The following TBL1X variants were observed in gnomAD, a reference collection of about 807,000 sequenced individuals.
TBL1X encodes the protein transducin beta like 1 X-linked.
A neutral mutation model predicts 50.7 loss-of-function variants in TBL1X; 10 were observed. The observed-to-expected ratio is 0.20, with a 90% CI of 0.12 to 0.33. The LOEUF is 0.33. Ranked by LOEUF, TBL1X falls within the 10% of genes least tolerant of loss-of-function variation. The pLI, the probability that TBL1X is intolerant of heterozygous loss-of-function variation, is 1.00. For synonymous variants in TBL1X, 190 were observed against 214.7 expected (o/e 0.88, Z 1.01); for missense variants, 340 against 504.4 (o/e 0.67, Z 3.12).
At chrX:9,522,646 T>G (rs899089701) in intron 2 of TBL1X, among the ~76,000 whole-genome samples, 1 of 112,045 alleles carries the variant, frequency 8.9e-6, no homozygotes, top group Non-Finnish European at 1.9e-5. Flanking sequence ...GGGTTGGGAC[T>G]GTGTGATTTT....
At chrX:9,634,536 G>C (rs766532765) in intron 2 of TBL1X, among the ~76,000 whole-genome samples, 1 of 111,359 alleles carries the variant, frequency 9.0e-6, no homozygotes, top group East Asian at 2.8e-4. Flanking sequence ...TTATTTAATA[G>C]AGATGGGGTC....
chrX:9,474,795 A>G, intron 1 of TBL1X, among the ~76,000 whole-genome samples: 1 of 113,027 alleles, frequency 8.8e-6, no homozygotes, highest in Non-Finnish European at 1.9e-5. Flanking sequence ...TCAGAATTTC[A>G]AAGACATCAA....
intron 13 of TBL1X, among the ~76,000 whole-genome samples, chrX:9,706,468 A>G (rs1368977350): frequency 1.4e-4 from 15 of 110,785 alleles, no homozygotes; most frequent in Non-Finnish European, 1.7e-4. Context: ...AACAAATATA[A>G]ACAGAACCAC....
chrX:9,717,436 G>GTC lies in TBL1X; in HGVS notation c.*1191_*1192dup, dbSNP rs1017656497. ...TCAGGAAAACTCTGGCTGGACAAGG[G>GTC]TCAGTCTTCGGGGTCAGCAGCGAGA... On this transcript the variant is annotated 3_prime_UTR_variant, in exon 18 of 18. Transcript: ENST00000645353. 2.7e-5 allele frequency: 3 copies of GTC among 111,935 alleles called. No homozygotes were observed. The highest frequency in any genetic ancestry group is 9.7e-5 in the African/African-American group (3 of 30,823). 9.2% of individuals were successfully genotyped at this position (111,935 alleles called of 1,213,427 possible). A position where few individuals can be genotyped will look rare whatever the true frequency, so the allele number is the denominator to read the frequency against.
At chrX:9,682,356 A>T (rs895047809) in intron 5 of TBL1X, among the ~76,000 whole-genome samples, 1 of 112,304 alleles carries the variant, frequency 8.9e-6, no homozygotes, top group African/African-American at 3.2e-5. Flanking sequence ...TTGGAACCTA[A>T]TGTAGGCAGT....
chrX:9,465,042 C>G (rs1368589968), upstream of TBL1X: 1 of 109,136 alleles, frequency 9.2e-6, no homozygotes, highest in Non-Finnish European at 1.9e-5. Context: ...TGGCGGTCCT[C>G]CTGGCTGGGG....
intron 4 of TBL1X, 124 bp downstream of exon 4, chrX:9,653,813 C>T: frequency 9.7e-6 from 6 of 620,143 alleles, no homozygotes; most frequent in Admixed American, 3.6e-5. Flanking sequence ...AATCCCTCCA[C>T]GTCTGCCTGA....
intron 2 of TBL1X, among the ~76,000 whole-genome samples, chrX:9,556,908 G>A (rs1227589951): frequency 3.6e-5 from 4 of 110,221 alleles, no homozygotes; most frequent in African/African-American, 1.3e-4. Flanking sequence ...GCTTGTTCGA[G>A]TCTTTTTCAC....
At chrX:9,592,890 T>C (rs895150971) in intron 2 of TBL1X, among the ~76,000 whole-genome samples, 2 of 112,283 alleles carry the variant, frequency 1.8e-5, no homozygotes, top group Non-Finnish European at 1.9e-5. Flanking sequence ...GTGCCCAGAT[T>C]GGTACAGAAA....
intron 2 of TBL1X, among the ~76,000 whole-genome samples, chrX:9,569,348 C>CTGTGTG (rs1175094979): frequency 1.1e-5 from 1 of 90,641 alleles, no homozygotes; most frequent in Non-Finnish European, 2.2e-5. Flanking sequence ...GTGCAGTGTG[C>CTGTGTG]TGTGTGTGTG....
chrX:9,599,069 G>A (rs1481628620), intron 2 of TBL1X, among the ~76,000 whole-genome samples: 3 of 109,372 alleles, frequency 2.7e-5, no homozygotes, highest in Non-Finnish European at 5.7e-5. Context: ...TCAGCCTCCC[G>A]AGTAGCTGGG....
At chrX:9,533,255 CTAGCACAGCTG>C (rs1437062293) in intron 2 of TBL1X, among the ~76,000 whole-genome samples, 1 of 111,658 alleles carries the variant, frequency 9.0e-6, no homozygotes, top group Non-Finnish European at 1.9e-5. Flanking sequence ...GCGCGAACTC[CTAGCACAGCTG>C]TCTGTTGAAG....
At chrX:9,589,565 A>G (rs2082488582) in intron 2 of TBL1X, among the ~76,000 whole-genome samples, 1 of 111,289 alleles carries the variant, frequency 9.0e-6, no homozygotes, top group Non-Finnish European at 1.9e-5. Flanking sequence ...GCCGGTGCAC[A>G]CACTAATCCC....
Position 9,611,319 on chromosome X carries a change from A to G in TBL1X, c.-130-28954A>G, listed in dbSNP as rs555062421. On this transcript the variant is annotated intron_variant, in intron 2 of 17. Transcript: ENST00000645353. Reference sequence around the variant, plus strand: ...GCAAAACACTCTGTCTTCATTCAGCATCATTTGCATCCTATAAAATAATGG... The same window carrying G: ...GCAAAACACTCTGTCTTCATTCAGCGTCATTTGCATCCTATAAAATAATGG... Among the ~76,000 whole-genome samples the G allele has an allele frequency of 2.4e-4, 27 of 112,762 alleles. No homozygotes were observed. In the South Asian group the frequency reaches 4.8e-3, roughly 20 times the overall value.
intron 5 of TBL1X, among the ~76,000 whole-genome samples, chrX:9,676,389 A>C (rs948815878): frequency 2.7e-5 from 3 of 112,123 alleles, no homozygotes; most frequent in African/African-American, 9.7e-5. Context: ...GGAAGTAGCC[A>C]CATGAGTTTA....
At chrX:9,573,063 T>C (rs1484918730) in intron 2 of TBL1X, among the ~76,000 whole-genome samples, 3 of 113,019 alleles carry the variant, frequency 2.7e-5, no homozygotes, top group Non-Finnish European at 5.6e-5. Flanking sequence ...ATCTTCACTT[T>C]TCCTTTTGTT....
chrX:9,493,527 T>C (rs1413322533), intron 1 of TBL1X, among the ~76,000 whole-genome samples: 2 of 111,442 alleles, frequency 1.8e-5, no homozygotes, highest in African/African-American at 6.5e-5. Flanking sequence ...TTTGGGAAGC[T>C]GAGGCGGGCG....
chrX:9,557,974 C>T (rs1284620976), intron 2 of TBL1X, among the ~76,000 whole-genome samples: 4 of 112,191 alleles, frequency 3.6e-5, no homozygotes, highest in African/African-American at 9.7e-5. Flanking sequence ...AGTATTTCTC[C>T]GGAAATCTGG....
At chrX:9,522,113 G>T (rs1484162581) in intron 2 of TBL1X, among the ~76,000 whole-genome samples, 1 of 106,985 alleles carries the variant, frequency 9.3e-6, no homozygotes, top group Non-Finnish European at 1.9e-5. Context: ...GACCTCTTGG[G>T]CTCAAGCGAT....
Sources: gnomAD v4.1 joint callset for allele counts (sites outside exome capture counted in the v4.1 genomes callset) on GRCh38, gnomAD v4.1.1 for gene constraint, MANE v1.5 for transcripts, NCBI Gene and HGNC (gene_info 2026-07-23, HGNC 2026-07-21) for gene names.